The following SOX5 variants were observed in gnomAD, a reference collection of about 807,000 sequenced individuals.
The protein encoded by SOX5 is transcription factor SOX-5.
In SOX5, 9 loss-of-function variants were observed where a neutral mutation model predicts 92.0. That is an observed-to-expected ratio of 0.10 (90% CI 0.06 to 0.17). The LOEUF is 0.17. Among genes scored for constraint, SOX5 ranks in the 10% least tolerant of loss-of-function variants. The probability of loss-of-function intolerance (pLI) is 1.00; values close to 1 mark genes in which losing one functional copy is unlikely to be tolerated. For synonymous variants in SOX5, 344 were observed against 336.3 expected (o/e 1.02, Z -0.25); for missense variants, 642 against 944.5 (o/e 0.68, Z 4.20).
intron 9 of SOX5, among the ~76,000 whole-genome samples, chr12:23,586,931 T>TA (rs534768107): frequency 0.016 from 2,367 of 150,218 alleles, 67 homozygotes; most frequent in African/African-American, 0.054. Context: ...ATATTATATA[T>TA]TTTTTATATA....
intron 9 of SOX5, among the ~76,000 whole-genome samples, chr12:23,599,091 A>C (rs1952990318): frequency 6.6e-6 from 1 of 152,218 alleles, no homozygotes; most frequent in Non-Finnish European, 1.5e-5. Flanking sequence ...GATTGGTACC[A>C]TTTCAGCAAA....
At chr12:23,553,309 C>G (rs777169018) in intron 11 of SOX5, among the ~76,000 whole-genome samples, 2 of 151,932 alleles carry the variant, frequency 1.3e-5, no homozygotes, top group African/African-American at 2.4e-5. Context: ...CTTACACGTC[C>G]CCATTCAACA....
chr12:23,607,278 C>T (rs2075362031), intron 8 of SOX5, among the ~76,000 whole-genome samples: 1 of 152,116 alleles, frequency 6.6e-6, no homozygotes, highest in East Asian at 1.9e-4. Flanking sequence ...TATATTCTAA[C>T]ACAAAAGCAA....
intron 4 of SOX5, among the ~76,000 whole-genome samples, chr12:23,979,974 CAGAT>C (rs201558116): frequency 7.0e-6 from 1 of 143,400 alleles, no homozygotes. Flanking sequence ...GATAGATAGA[CAGAT>C]AGATAGATAG....
At chr12:23,753,785 C>A (rs529751548) in intron 4 of SOX5, among the ~76,000 whole-genome samples, 1 of 151,456 alleles carries the variant, frequency 6.6e-6, no homozygotes, top group South Asian at 2.1e-4. Flanking sequence ...AATTCACTTA[C>A]CCCCAGAGGG....
chr12:24,491,843 G>A (rs953640478), intron 1 of SOX5, among the ~76,000 whole-genome samples: 46 of 151,934 alleles, frequency 3.0e-4, no homozygotes, highest in African/African-American at 1.0e-3. Context: ...GGAATATGCC[G>A]TTTCACACTC....
rs34841595 is a variant in SOX5 at position 23,758,008 on chromosome 12, CAAAAAAAAAAA to C, written c.482-2295_482-2285del. Among the ~76,000 whole-genome samples, 180 of 68,270 alleles carry C rather than the reference CAAAAAAAAAAA, an allele frequency of 2.6e-3. 1 individual carries two copies. Among genetic ancestry groups the C allele is most frequent in the African/African-American group, 0.011 (159 of 14,476 alleles). 44.8% of individuals were successfully genotyped at this position (68,270 alleles called of 152,430 possible). ...GTACTTGACTTTTAAGCACACACTA[CAAAAAAAAAAA>C]AAAAAAAAAAAAAAAAGAATAACTT... On this transcript the variant is annotated intron_variant, in intron 3 of 14. Transcript: ENST00000451604.
intron 2 of SOX5, among the ~76,000 whole-genome samples, chr12:23,893,270 AC>A (rs918796259): frequency 1.3e-5 from 2 of 152,164 alleles, no homozygotes; most frequent in African/African-American, 4.8e-5. Context: ...ACATGGTGAA[AC>A]CCTGTCTCTA....
intron 2 of SOX5, among the ~76,000 whole-genome samples, chr12:24,324,801 A>C (rs975981333): frequency 1.3e-5 from 2 of 152,028 alleles, no homozygotes; most frequent in Non-Finnish European, 2.9e-5. Context: ...CAACGAATTA[A>C]TACATATGGG....
At chr12:24,029,849 G>A (rs193065738) in intron 4 of SOX5, among the ~76,000 whole-genome samples, 37 of 151,972 alleles carry the variant, frequency 2.4e-4, no homozygotes, top group Admixed American at 1.5e-3. Context: ...CATTTTGTTC[G>A]GTATGGTATC....
At chr12:23,957,398 C>A (rs1946403472) in intron 4 of SOX5, among the ~76,000 whole-genome samples, 1 of 152,148 alleles carries the variant, frequency 6.6e-6, no homozygotes, top group South Asian at 2.1e-4. Context: ...TATTTATTAG[C>A]ATTACTTAAT....
Position 23,631,911 on chromosome 12 carries a change from G to A in SOX5, c.1017+8901C>T, listed in dbSNP as rs530519524. On this transcript the variant is annotated intron_variant, in intron 8 of 14. Coordinates refer to ENST00000451604, the MANE Select transcript of SOX5 (RefSeq NM_006940.6). Reference sequence around the variant, plus strand: ...TGTCAACACCTCCCAGGAACTCTAGGGGTGGTAATAACTATGGAAGCAGTT... The same window carrying A: ...TGTCAACACCTCCCAGGAACTCTAGAGGTGGTAATAACTATGGAAGCAGTT... Among the ~76,000 whole-genome samples the A allele has an allele frequency of 1.3e-4, 20 of 152,142 alleles. No homozygotes were observed. The East Asian group carries it at 3.7e-3, about 28-fold the overall frequency.
chr12:23,868,428 A>G (rs2096838228), intron 2 of SOX5, among the ~76,000 whole-genome samples: 1 of 152,178 alleles, frequency 6.6e-6, no homozygotes, highest in Admixed American at 6.5e-5. Context: ...TACCTGAGTA[A>G]GAAAAGTAGC....
intron 3 of SOX5, among the ~76,000 whole-genome samples, chr12:24,267,396 T>C (rs967663773): frequency 2.0e-5 from 3 of 152,208 alleles, no homozygotes; most frequent in African/African-American, 7.2e-5. Context: ...AAAAGATGCA[T>C]AGATATGAGC....
At chr12:23,819,422 C>A (rs1311013908) in intron 3 of SOX5, among the ~76,000 whole-genome samples, 1 of 151,952 alleles carries the variant, frequency 6.6e-6, no homozygotes, top group Non-Finnish European at 1.5e-5. Flanking sequence ...CTAAATGTAA[C>A]TGCAAATTTA....
At chr12:24,429,390 A>C (rs994661334) in intron 1 of SOX5, among the ~76,000 whole-genome samples, 1 of 152,064 alleles carries the variant, frequency 6.6e-6, no homozygotes, top group Non-Finnish European at 1.5e-5. Flanking sequence ...ATGAAATGCT[A>C]TGTAGTGGGC....
chr12:24,075,169 TGA>T (rs1012972406), intron 4 of SOX5, among the ~76,000 whole-genome samples: 2 of 150,668 alleles, frequency 1.3e-5, no homozygotes, highest in Admixed American at 6.7e-5. Flanking sequence ...CTTGAGAGGA[TGA>T]GTCAGGAGGA....
intron 10 of SOX5, among the ~76,000 whole-genome samples, chr12:23,567,274 C>T (rs1243617615): frequency 1.3e-5 from 2 of 152,070 alleles, no homozygotes; most frequent in Non-Finnish European, 2.9e-5. Context: ...AAGTCAGGAT[C>T]AGATGGGAGG....
At chr12:24,326,714 C>G (rs1408325630) in intron 2 of SOX5, among the ~76,000 whole-genome samples, 3 of 151,814 alleles carry the variant, frequency 2.0e-5, no homozygotes, top group African/African-American at 7.3e-5. Flanking sequence ...ACTTTCTCAG[C>G]AAAGCCTTTC....
Sources: gnomAD v4.1 joint callset for allele counts (sites outside exome capture counted in the v4.1 genomes callset) on GRCh38, gnomAD v4.1.1 for gene constraint, MANE v1.5 for transcripts, NCBI Gene and HGNC (gene_info 2026-07-23, HGNC 2026-07-21) for gene names.